The following TRABD2A variants were observed in gnomAD, a reference collection of about 807,000 sequenced individuals.
TRABD2A encodes the protein TraB domain containing 2A, also known as metalloprotease TIKI1.
TRABD2A carries 43 observed loss-of-function variants against 45.6 expected under a neutral mutation model. The ratio of observed to expected loss-of-function variants is 0.94; its 90% CI spans 0.74 to 1.22. The LOEUF is 1.22. TRABD2A is among the 50% of genes most tolerant of loss of function. The pLI, the probability that TRABD2A is intolerant of heterozygous loss-of-function variation, is 0.00. For synonymous variants in TRABD2A, 269 were observed against 265.0 expected (o/e 1.02, Z -0.15); for missense variants, 642 against 652.4 (o/e 0.98, Z 0.17).
chr2:84,858,188 C>G (rs1682378267), intron 2 of TRABD2A, among the ~76,000 whole-genome samples: 2 of 152,062 alleles, frequency 1.3e-5, no homozygotes, highest in African/African-American at 4.8e-5. Context: ...CTCTCCCTCC[C>G]CACTAAAAAT....
intron 1 of TRABD2A, among the ~76,000 whole-genome samples, chr2:84,876,659 T>C (rs970340567): frequency 1.3e-5 from 2 of 152,216 alleles, no homozygotes; most frequent in African/African-American, 4.8e-5. Context: ...ACGCCATATT[T>C]ATGCAGCCTT....
intron 2 of TRABD2A, among the ~76,000 whole-genome samples, chr2:84,860,892 G>A (rs1682473437): frequency 6.6e-6 from 1 of 152,236 alleles, no homozygotes; most frequent in African/African-American, 2.4e-5. Context: ...GAAGCCAGAT[G>A]TAGGCCACAT....
At chr2:84,834,304 GA>G (rs1049103369) in intron 4 of TRABD2A, 3 of 152,210 alleles carry the variant, frequency 2.0e-5, no homozygotes, top group African/African-American at 7.2e-5. Context: ...TACAGAAGAA[GA>G]AAACTACCAC....
chr2:84,830,286 G>A lies in TRABD2A; in HGVS notation c.1082+1769C>T, dbSNP rs567118503. 5.4e-4 allele frequency among the ~76,000 whole-genome samples: 82 copies of A among 152,240 alleles called. No homozygotes were observed. The highest frequency in any genetic ancestry group is 1.8e-3 in the African/African-American group (73 of 41,520). On this transcript the variant is annotated intron_variant, in intron 5 of 6. Coordinates refer to ENST00000409520, the MANE Select transcript of TRABD2A (RefSeq NM_001277053.2). This position sits in a 1 kb window ranked among gnomAD's most constrained non-coding sequence, Gnocchi z 4.9. ...ACTCAGGCAGGGGCGGGATCCTCCC[G>A]GTCAAGGGGAGGAGAGGAGGGCTCC... is the stretch of plus-strand genomic sequence containing the variant.
At chr2:84,868,873 CAA>C in intron 2 of TRABD2A, among the ~76,000 whole-genome samples, 1 of 152,238 alleles carries the variant, frequency 6.6e-6, no homozygotes, top group Middle Eastern at 3.4e-3. Context: ...CTTTCTTTTT[CAA>C]AATATTATAT....
At chr2:84,848,960 G>A (rs1681995547) in intron 2 of TRABD2A, among the ~76,000 whole-genome samples, 1 of 152,082 alleles carries the variant, frequency 6.6e-6, no homozygotes, top group South Asian at 2.1e-4. Flanking sequence ...TGTTTCTGAA[G>A]GAAATGCAGC....
intron 4 of TRABD2A, chr2:84,836,535 A>G: frequency 6.6e-6 from 1 of 152,198 alleles, no homozygotes; most frequent in East Asian, 1.9e-4. Context: ...ATTTTATACA[A>G]CTTATAGTTC....
chr2:84,865,866 G>A (rs968972693), intron 2 of TRABD2A, among the ~76,000 whole-genome samples: 2 of 152,216 alleles, frequency 1.3e-5, no homozygotes, highest in East Asian at 1.9e-4. Context: ...CCACCCTGCT[G>A]AGCCCACTCC....
In TRABD2A at chr2:84,870,468, C is replaced by T; in HGVS notation, c.426G>A (p.Gln142=). ...LMMPLWMTPD[Q]RGKGLYADYL... ...AGTCTGCGTAGAGCCCCTTGCCGCG[C>T]TGGTCTGGGGTCATCCACAAGGGCA... The change falls in exon 2 of 7, where the codon CAG becomes CAA. Residue 142 remains glutamine, a synonymous_variant. Transcript: ENST00000409520. 1 of 1,614,026 alleles carries T rather than the reference C, an allele frequency of 6.2e-7. No individual in the cohort carries two copies. Among genetic ancestry groups the T allele is most frequent in the Non-Finnish European group, 8.5e-7 (1 of 1,179,884 alleles).
intron 3 of TRABD2A, among the ~76,000 whole-genome samples, chr2:84,841,012 T>C (rs1435006021): frequency 6.6e-6 from 1 of 152,120 alleles, no homozygotes; most frequent in African/African-American, 2.4e-5. Context: ...AGATTTAACA[T>C]AGACCTGTAC....
intron 2 of TRABD2A, chr2:84,849,334 G>A (rs1682006692): frequency 6.6e-6 from 1 of 152,216 alleles, no homozygotes; most frequent in Admixed American, 6.5e-5. Context: ...TTGCCCTGAG[G>A]CCTTCGAAGC....
intron 2 of TRABD2A, among the ~76,000 whole-genome samples, chr2:84,869,065 A>G (rs527461663): frequency 2.6e-4 from 39 of 152,362 alleles, no homozygotes; most frequent in African/African-American, 8.9e-4. Context: ...TATTAATATT[A>G]TAGAATTTTA....
At chr2:84,880,197 G>T (rs1365453099) in intron 1 of TRABD2A, among the ~76,000 whole-genome samples, 1 of 152,176 alleles carries the variant, frequency 6.6e-6, no homozygotes, top group Non-Finnish European at 1.5e-5. Flanking sequence ...TATTCATCTC[G>T]AAAGAGGTCC....
intron 2 of TRABD2A, 26 bp downstream of exon 2, chr2:84,870,197 TAA>T: frequency 6.4e-7 from 1 of 1,572,658 alleles, no homozygotes; most frequent in East Asian, 2.3e-5. Flanking sequence ...CAAATGCCAC[TAA>T]GTCTTTTATG....
At chr2:84,868,524 G>GTTAATTAATAATAATTAA (rs1559097636) in intron 2 of TRABD2A, among the ~76,000 whole-genome samples, 2,313 of 151,782 alleles carry the variant, frequency 0.015, 52 homozygotes, top group African/African-American at 0.053. Flanking sequence ...TAGTTAATTA[G>GTTAATTAATAATAATTAA]TTAACTAGTT....
rs1573954078 is a variant in TRABD2A at position 84,870,391 on chromosome 2, A to C, written c.503T>G (p.Val168Gly). The change falls in exon 2 of 7, where the codon GTG becomes GGG. Residue 168 changes from valine (V) to glycine (G), a missense_variant. Physicochemically the swap from Val to Gly is moderately radical, Grantham distance 109. Transcript: ENST00000409520. ...GNWERKRPVW[V>G]MLMVNSLTEV... ...AGTCAGGGAGTTGACCATGAGCATC[A>C]CCCAGACAGGCCTCTTGCGCTCCCA... is the stretch of plus-strand genomic sequence containing the variant. 6.2e-7 allele frequency: 1 copy of C among 1,613,970 alleles called. No homozygotes were observed. The highest frequency in any genetic ancestry group is 1.1e-5 in the South Asian group (1 of 91,086).
intron 2 of TRABD2A, among the ~76,000 whole-genome samples, chr2:84,859,517 G>A (rs1002413762): frequency 2.0e-5 from 3 of 152,176 alleles, no homozygotes; most frequent in Admixed American, 6.5e-5. Context: ...AACAGCCACC[G>A]CATGGAAGCA....
At chr2:84,854,005 C>T (rs568711465) in intron 2 of TRABD2A, among the ~76,000 whole-genome samples, 3 of 150,888 alleles carry the variant, frequency 2.0e-5, no homozygotes, top group Non-Finnish European at 4.4e-5. Flanking sequence ...GGGCACAGAG[C>T]GAGACTCCAT....
rs368838929 is a variant in TRABD2A, at chr2:84,824,085, G to A, written c.1202C>T (p.Pro401Leu). 3.1e-6 allele frequency: 5 copies of A among 1,613,782 alleles called. No homozygotes were observed. In the African/African-American group the frequency reaches 5.3e-5, roughly 17 times the overall value. The change falls in exon 6 of 7, where the codon CCC (proline) becomes CTC (leucine). Residue 401 changes from proline to leucine, a missense_variant. Pro to Leu is a moderately conservative substitution (Grantham distance 98, BLOSUM62 -3). Transcript: ENST00000409520. ...GGCACTTCCAGGCCGGGACACAAGG[G>A]GAGGCAGCGTTGAGTGCCCTGAGGA... ...AVSSGHSTLP[P>L]LVSRPGSADT...
Sources: gnomAD v4.1 joint callset for allele counts (sites outside exome capture counted in the v4.1 genomes callset) on GRCh38, gnomAD v4.1.1 for gene constraint, Gnocchi (gnomAD v3.1) non-coding constraint, MANE v1.5 for transcripts, NCBI Gene and HGNC (gene_info 2026-07-23, HGNC 2026-07-21) for gene names.